BFSP1: variants seen among roughly 807,000 people sequenced by gnomAD.
BFSP1 encodes beaded filament structural protein 1.
In BFSP1, 38 loss-of-function variants were observed where a neutral mutation model predicts 43.9. The ratio of observed to expected loss-of-function variants is 0.87; its 90% CI spans 0.67 to 1.14. The LOEUF (loss-of-function observed/expected upper bound fraction) is 1.14, where lower values mean the gene tolerates loss of function less well. Among genes scored for constraint, BFSP1 ranks in the 50% most tolerant of loss-of-function variants. BFSP1 has a pLI of 0.00. For synonymous variants in BFSP1, 352 were observed against 354.8 expected (o/e 0.99, Z 0.09); for missense variants, 850 against 875.1 (o/e 0.97, Z 0.36).
intron 6 of BFSP1, among the ~76,000 whole-genome samples, chr20:17,498,104 C>T (rs892923202): frequency 1.3e-5 from 2 of 152,212 alleles, no homozygotes; most frequent in Admixed American, 6.5e-5. Flanking sequence ...GGAAGAGCTG[C>T]TCCTGGTGGG....
At chr20:17,512,230 T>C (rs1340207456) in intron 3 of BFSP1, among the ~76,000 whole-genome samples, 162 bp from the exon 4 acceptor site, 1 of 152,208 alleles carries the variant, frequency 6.6e-6, no homozygotes, top group Non-Finnish European at 1.5e-5. Context: ...ATGCATTTGC[T>C]GCCATGGGTG....
chr20:17,521,641 A>T (rs2034321002), intron 2 of BFSP1, among the ~76,000 whole-genome samples: 1 of 152,232 alleles, frequency 6.6e-6, no homozygotes, highest in Non-Finnish European at 1.5e-5. Flanking sequence ...CAGAGAACAA[A>T]AAGGTCCAGT....
chr20:17,524,559 C>T (rs188431805), intron 2 of BFSP1, among the ~76,000 whole-genome samples: 2 of 152,278 alleles, frequency 1.3e-5, no homozygotes, highest in East Asian at 3.9e-4. Flanking sequence ...GTATGTCTGA[C>T]AAGTAAAACA....
chr20:17,517,963 G>T (rs937148890), intron 2 of BFSP1, among the ~76,000 whole-genome samples: 1 of 152,090 alleles, frequency 6.6e-6, no homozygotes, highest in Non-Finnish European at 1.5e-5. Context: ...AGGAACTCTC[G>T]ACAGAAGAAG....
At chr20:17,540,336 T>A (rs998960691) in intron 1 of BFSP1, among the ~76,000 whole-genome samples, 2 of 152,130 alleles carry the variant, frequency 1.3e-5, no homozygotes, top group East Asian at 1.9e-4. Context: ...GCATACATCA[T>A]CCTTTTCTCC....
intron 5 of BFSP1, among the ~76,000 whole-genome samples, chr20:17,508,262 C>T (rs572443198): frequency 2.0e-5 from 3 of 152,240 alleles, no homozygotes; most frequent in South Asian, 2.1e-4. Flanking sequence ...GAAGATGAGC[C>T]GGCAAGTAGC....
intron 4 of BFSP1, among the ~76,000 whole-genome samples, chr20:17,511,645 T>C (rs1353479324): frequency 6.6e-6 from 1 of 152,164 alleles, no homozygotes; most frequent in East Asian, 1.9e-4. Flanking sequence ...TCACGCATTG[T>C]GGGTGGAGAT....
rs2033580093 is a variant in BFSP1 at position 17,494,552 on chromosome 20, T to A, written c.1520A>T (p.Asp507Val). 2 of 1,614,080 alleles carry A rather than the reference T, an allele frequency of 1.2e-6. No individual in the cohort carries two copies. The highest frequency in any genetic ancestry group is 1.3e-5 in the African/African-American group (1 of 74,922). Residue 507 changes from aspartate to valine, a missense_variant, in exon 8 of 8, where the codon GAC (aspartate) becomes GTC (valine). Physicochemically the swap from Asp to Val is radical, Grantham distance 152. Transcript: ENST00000377873. ...VSVAEDSVLY[D>V]GQVEPSPESP... Reference sequence around the variant, plus strand: ...CTCAGGAGAGGGCTCCACCTGGCCGTCATAAAGCACAGAGTCTTCCGCAAC... The same window carrying A: ...CTCAGGAGAGGGCTCCACCTGGCCGACATAAAGCACAGAGTCTTCCGCAAC...
chr20:17,562,327 C>G (rs1344638374), upstream of BFSP1, among the ~76,000 whole-genome samples: 1 of 150,438 alleles, frequency 6.6e-6, no homozygotes, highest in African/African-American at 2.4e-5. Context: ...AGTTTTGAGA[C>G]CAGCCTGGCC....
At chr20:17,562,526 C>CAA (rs550158623), upstream of BFSP1, among the ~76,000 whole-genome samples, 95 of 47,972 alleles carry the variant, frequency 2.0e-3, 3 homozygotes, top group African/African-American at 4.3e-3. Flanking sequence ...GACTCTGTCT[C>CAA]AAAAAAAAAA....
intron 1 of BFSP1, among the ~76,000 whole-genome samples, chr20:17,543,230 A>C (rs1330137658): frequency 1.3e-5 from 2 of 152,182 alleles, no homozygotes; most frequent in African/African-American, 4.8e-5. Context: ...GGCGGTAAGC[A>C]GAGAGTGTCT....
chr20:17,566,844 G>C (rs556433693), intron 1 of BFSP1, among the ~76,000 whole-genome samples: 84 of 152,194 alleles, frequency 5.5e-4, no homozygotes, highest in Non-Finnish European at 1.1e-3. Flanking sequence ...AGTAGAGACG[G>C]GGTTTCACCA....
At chr20:17,509,303 C>G (rs1432254591) in intron 4 of BFSP1, among the ~76,000 whole-genome samples, 1 of 146,108 alleles carries the variant, frequency 6.8e-6, no homozygotes, top group Non-Finnish European at 1.5e-5. Context: ...CAGCCGTCTT[C>G]AAGCCAGAAA....
chr20:17,501,972 T>C (rs867026949), intron 5 of BFSP1, among the ~76,000 whole-genome samples: 15 of 152,120 alleles, frequency 9.9e-5, no homozygotes, highest in Middle Eastern at 6.8e-3. Context: ...CATGGCAAAG[T>C]TGAGAAAGGT....
At chr20:17,505,454 G>A (rs1461650738) in intron 5 of BFSP1, among the ~76,000 whole-genome samples, 1 of 152,208 alleles carries the variant, frequency 6.6e-6, no homozygotes, top group African/African-American at 2.4e-5. Flanking sequence ...GGGAAGCTTC[G>A]GACGCCCTAA....
chr20:17,501,000 T>TG (rs1212491537), intron 5 of BFSP1, among the ~76,000 whole-genome samples: 2 of 152,182 alleles, frequency 1.3e-5, no homozygotes, highest in South Asian at 2.1e-4. Context: ...TCAGCAGGGA[T>TG]GGGGGGCCGG....
chr20:17,567,376 C>G (rs1357693244), intron 1 of BFSP1, among the ~76,000 whole-genome samples: 1 of 152,164 alleles, frequency 6.6e-6, no homozygotes, highest in Non-Finnish European at 1.5e-5. Flanking sequence ...CAAGGAACTC[C>G]CAGCTATCTG....
chr20:17,529,579 C>A (rs75285563), intron 1 of BFSP1, among the ~76,000 whole-genome samples: 1 of 151,930 alleles, frequency 6.6e-6, no homozygotes, highest in Non-Finnish European at 1.5e-5. Flanking sequence ...AAAAAAAAAA[C>A]TCTACTCTCC....
chr20:17,531,284 C>G lies in BFSP1; in HGVS notation c.46G>C (p.Glu16Gln), dbSNP rs200899362. Reference protein sequence around the residue: ...YVFQTRKEQYEHADEASRAAE... With the variant: ...YVFQTRKEQYQHADEASRAAE... ...GCGCGCGAAGCCTCGTCGGCGTGCT[C>G]GTACTGCTCCTTGCGGGTCTGGAAG... The change falls in exon 1 of 8, where the codon GAG becomes CAG. Residue 16 changes from glutamate to glutamine, a missense_variant. By Grantham distance (29) the Glu-to-Gln change is conservative (BLOSUM62 2). Transcript: ENST00000377873. 1.9e-3 allele frequency: 2,839 copies of G among 1,469,042 alleles called. 53 individuals carry two copies. In the African/African-American group the frequency reaches 0.037, roughly 19 times the overall value. The allele number at this position is 1,469,042 out of a possible 1,614,324, so 91.0% of individuals were successfully genotyped here.
Sources: gnomAD v4.1 joint callset for allele counts (sites outside exome capture counted in the v4.1 genomes callset) on GRCh38, gnomAD v4.1.1 for gene constraint, MANE v1.5 for transcripts, NCBI Gene and HGNC (gene_info 2026-07-23, HGNC 2026-07-21) for gene names.